The following LNPEP variants were observed in gnomAD, a reference collection of about 807,000 sequenced individuals.
LNPEP encodes leucyl and cystinyl aminopeptidase.
Under a neutral mutation model 120.6 loss-of-function variants are expected in LNPEP, and 64 were observed. That is an observed-to-expected ratio of 0.53 (90% confidence interval 0.43 to 0.65). The LOEUF is 0.65. LNPEP is among the 30% of genes least tolerant of loss of function. The pLI, the probability that LNPEP is intolerant of heterozygous loss-of-function variation, is 0.00. For missense variants in LNPEP, 1,057 were observed against 1,200.0 expected (o/e 0.88, Z 1.76); for synonymous variants, 435 against 425.4 (o/e 1.02, Z -0.28).
intron 1 of LNPEP, among the ~76,000 whole-genome samples, chr5:96,941,047 A>G (rs1429785173): frequency 6.6e-6 from 1 of 152,216 alleles, no homozygotes; most frequent in Non-Finnish European, 1.5e-5. Context: ...ACCATAATGT[A>G]GAATCAGTGG....
chr5:96,974,953 C>T (rs1052422828), intron 1 of LNPEP, among the ~76,000 whole-genome samples: 3 of 152,064 alleles, frequency 2.0e-5, no homozygotes, highest in South Asian at 2.1e-4. Flanking sequence ...GTCTCCCTTT[C>T]GATAGTCTCA....
chr5:96,948,856 T>TGTATA (rs1382449561), intron 1 of LNPEP, among the ~76,000 whole-genome samples: 3 of 152,356 alleles, frequency 2.0e-5, no homozygotes, highest in East Asian at 3.9e-4. Context: ...TGTTGACTAC[T>TGTATA]GTATAGTATA....
At chr5:96,951,269 G>GTT (rs1789314148) in intron 1 of LNPEP, among the ~76,000 whole-genome samples, 2 of 151,488 alleles carry the variant, frequency 1.3e-5, no homozygotes, top group Admixed American at 1.3e-4. Flanking sequence ...TTTTGGCGGG[G>GTT]GGCGCGGGGG....
chr5:96,941,331 T>G (rs1789047403), intron 1 of LNPEP, among the ~76,000 whole-genome samples: 1 of 152,286 alleles, frequency 6.6e-6, no homozygotes, highest in Middle Eastern at 3.4e-3. Flanking sequence ...GTGGCCTGAT[T>G]CCTAACAGGC....
intron 1 of LNPEP, among the ~76,000 whole-genome samples, chr5:96,941,351 G>C (rs1466698028): frequency 6.6e-6 from 1 of 152,212 alleles, no homozygotes; most frequent in Admixed American, 6.5e-5. Flanking sequence ...CCAGAGACTG[G>C]TACTGGTCTG....
intron 3 of LNPEP, 107 bp from the exon 4 acceptor site, chr5:96,986,432 A>T: frequency 9.2e-7 from 1 of 1,081,140 alleles, no homozygotes; most frequent in Non-Finnish European, 1.4e-6. Flanking sequence ...ATAATATGCT[A>T]GCATCTTTAC....
Position 97,028,636 on chromosome 5 carries a change from T to G in LNPEP, c.*103T>G. The G allele has an allele frequency of 1.2e-5, 15 of 1,207,390 alleles. No homozygotes were observed. Among genetic ancestry groups the G allele is most frequent in the Non-Finnish European group, 1.8e-5 (15 of 842,886 alleles). The allele number at this position is 1,207,390 out of a possible 1,614,324, so 74.8% of individuals were successfully genotyped here. A position where few individuals can be genotyped will look rare whatever the true frequency, so the allele number is the denominator to read the frequency against. Reference sequence around the variant, plus strand: ...AGGTAAAGCCAGGATCGCTGCCAAGTTGTTTGCACTCTTTGGAGTTCTAGT... The same window carrying G: ...AGGTAAAGCCAGGATCGCTGCCAAGGTGTTTGCACTCTTTGGAGTTCTAGT... On this transcript the variant is annotated 3_prime_UTR_variant, in exon 18 of 18. Transcript: ENST00000231368.
chr5:96,988,334 C>CTTTTTTTTTTTTT (rs1293064236), intron 4 of LNPEP, among the ~76,000 whole-genome samples: 1 of 115,478 alleles, frequency 8.7e-6, no homozygotes. Context: ...TTTTCTTTTT[C>CTTTTTTTTTTTTT]TTTTCTTTTT....
At chr5:96,959,805 T>G (rs1435198224) in intron 1 of LNPEP, among the ~76,000 whole-genome samples, 1 of 152,208 alleles carries the variant, frequency 6.6e-6, no homozygotes, top group African/African-American at 2.4e-5. Flanking sequence ...TTTTTGATTA[T>G]GAAAATTTCT....
intron 15 of LNPEP, among the ~76,000 whole-genome samples, 194 bp downstream of exon 15, chr5:97,024,876 C>T (rs1036745842): frequency 4.6e-5 from 7 of 152,000 alleles, no homozygotes; most frequent in Admixed American, 3.3e-4. Flanking sequence ...ATCCTTTGCC[C>T]AAAAGGGATT....
chr5:97,016,316 ATGAT>A (rs1791069388), intron 13 of LNPEP, among the ~76,000 whole-genome samples: 1 of 152,140 alleles, frequency 6.6e-6, no homozygotes, highest in Non-Finnish European at 1.5e-5. Context: ...GAGTGAATAA[ATGAT>A]TGAAACACAC....
At chr5:96,995,191 G>A (rs1371311478) in intron 6 of LNPEP, among the ~76,000 whole-genome samples, 2 of 152,124 alleles carry the variant, frequency 1.3e-5, no homozygotes, top group Non-Finnish European at 2.9e-5. Context: ...ATCACCATTT[G>A]GGAGTATTTC....
chr5:96,998,354 G>T (rs749024561), intron 8 of LNPEP, among the ~76,000 whole-genome samples: 5 of 151,892 alleles, frequency 3.3e-5, no homozygotes, highest in Non-Finnish European at 5.9e-5. Flanking sequence ...TAAGTTGTAT[G>T]ACTAGTATTC....
chr5:96,997,491 C>A (rs1434247054), intron 7 of LNPEP, among the ~76,000 whole-genome samples: 1 of 152,032 alleles, frequency 6.6e-6, no homozygotes, highest in African/African-American at 2.4e-5. Flanking sequence ...AATACATGTT[C>A]TAGGGGAGCT....
Position 96,979,306 on chromosome 5 carries a change from T to C in LNPEP, c.188T>C (p.Met63Thr), listed in dbSNP as rs145484398. 4.2e-5 allele frequency: 68 copies of C among 1,613,712 alleles called. No homozygotes were observed. The highest frequency in any genetic ancestry group is 5.5e-5 in the Non-Finnish European group (65 of 1,179,890). The change falls in exon 2 of 18, where the codon ATG becomes ACG. Residue 63 changes from methionine to threonine, a missense_variant. Met to Thr is a moderately conservative substitution (Grantham distance 81, BLOSUM62 -1). Coordinates refer to ENST00000231368, the MANE Select transcript of LNPEP (RefSeq NM_005575.3). Reference sequence around the variant, plus strand: ...GTGCGGGGTCTTGGTGAGCATGAGATGGAGGAGGATGAAGAGGATTATGAG... The same window carrying C: ...GTGCGGGGTCTTGGTGAGCATGAGACGGAGGAGGATGAAGAGGATTATGAG... ...LLVRGLGEHE[M>T]EEDEEDYESS...
rs748230237 is a variant in LNPEP, at chr5:97,026,638, T to C, written c.2745T>C (p.Asn915=). The change falls in exon 16 of 18, where the codon AAT becomes AAC. Residue 915 remains asparagine (N), a synonymous_variant. Coordinates refer to ENST00000231368, the MANE Select transcript of LNPEP (RefSeq NM_005575.3). The part of the protein sequence containing the change: ...KLYWLMKSSL[N]GDNFRTQKLS... ...TCAGGTTAATGAAAAGTAGCCTGAA[T>C]GGAGATAACTTCCGAACACAGAAGC... is the stretch of plus-strand genomic sequence containing the variant. 4.3e-6 allele frequency: 7 copies of C among 1,613,322 alleles called. No individual in the cohort carries two copies. Among genetic ancestry groups the C allele is most frequent in the Non-Finnish European group, 5.9e-6 (7 of 1,179,378 alleles).
intron 1 of LNPEP, chr5:96,937,066 T>G (rs1054352473): frequency 6.6e-6 from 1 of 152,114 alleles, no homozygotes; most frequent in Non-Finnish European, 1.5e-5. Context: ...CCTTTTAAGA[T>G]AGAAAGTAGG....
At chr5:96,938,641 A>G (rs575725597) in intron 1 of LNPEP, among the ~76,000 whole-genome samples, 1 of 152,052 alleles carries the variant, frequency 6.6e-6, no homozygotes, top group African/African-American at 2.4e-5. Context: ...CCTGCTCTCT[A>G]CCTGTTGATA....
At chr5:97,009,188 G>A (rs529472878) in intron 11 of LNPEP, among the ~76,000 whole-genome samples, 31 of 152,098 alleles carry the variant, frequency 2.0e-4, no homozygotes, top group Non-Finnish European at 3.8e-4. Context: ...CACTCCCTCG[G>A]CCTACTCCTG....
Sources: allele counts gnomAD v4.1 joint callset (sites outside exome capture counted in the v4.1 genomes callset), GRCh38; gene constraint gnomAD v4.1.1; transcripts MANE v1.5; gene names NCBI Gene and HGNC (gene_info 2026-07-23, HGNC 2026-07-21).